Variants in KDM4C observed in about 807,000 individuals in gnomAD.
KDM4C encodes the protein lysine demethylase 4C, also known as lysine-specific demethylase 4C.
Under a neutral mutation model 129.3 loss-of-function variants are expected in KDM4C, and 81 were observed. The ratio of observed to expected loss-of-function variants is 0.63; its 90% CI spans 0.52 to 0.75. KDM4C has a LOEUF of 0.75. Ranked by LOEUF, KDM4C falls within the 30% of genes least tolerant of loss-of-function variation. The pLI is 0.00. For missense variants in KDM4C, 1,457 were observed against 1,304.0 expected, an observed-to-expected ratio of 1.12 and a Z score of -1.81; for synonymous variants, 573 against 456.1, an observed-to-expected ratio of 1.26 and a Z score of -3.26.
Position 6,986,344 on chromosome 9 carries a change from G to A in KDM4C, c.1355G>A (p.Gly452Glu). ...TAACAGTCTTCTGTTTTATCCTCAG[G>A]AAACAGCTGCTTAAGTACATCTGTA... ...QNLSDHIKLS[G>E]NSCLSTSVTE... The change falls in exon 11 of 22, where the codon GGA becomes GAA. Residue 452 changes from glycine to glutamate, a missense_variant and splice_region_variant. Physicochemically the swap from Gly to Glu is moderately conservative, Grantham distance 98. Coordinates refer to ENST00000381309, the MANE Select transcript of KDM4C (RefSeq NM_015061.6). 5 of 1,601,896 alleles carry A rather than the reference G, an allele frequency of 3.1e-6. No homozygotes were observed. The highest frequency in any genetic ancestry group is 3.4e-6 in the Non-Finnish European group (4 of 1,170,922).
At chr9:7,099,296 T>A (rs1455716273) in intron 17 of KDM4C, among the ~76,000 whole-genome samples, 2 of 152,224 alleles carry the variant, frequency 1.3e-5, no homozygotes, top group Non-Finnish European at 2.9e-5. Context: ...AACCTCCAGC[T>A]CCTTCACAGT....
intron 8 of KDM4C, among the ~76,000 whole-genome samples, chr9:6,951,204 A>G (rs1254644151): frequency 1.3e-5 from 2 of 151,972 alleles, no homozygotes; most frequent in East Asian, 1.9e-4. Flanking sequence ...TTTCTTAGCT[A>G]TTTGAAATTA....
intron 19 of KDM4C, among the ~76,000 whole-genome samples, chr9:7,134,844 G>T (rs1203297371): frequency 6.6e-6 from 1 of 152,180 alleles, no homozygotes; most frequent in Non-Finnish European, 1.5e-5. Flanking sequence ...TTGGGCAGGG[G>T]CTCCTAATTA....
At chr9:7,020,553 C>G (rs548493178) in intron 15 of KDM4C, among the ~76,000 whole-genome samples, 104 of 152,248 alleles carry the variant, frequency 6.8e-4, no homozygotes, top group African/African-American at 2.4e-3. Flanking sequence ...GAGCACGTTC[C>G]AAACATTACC....
At chr9:6,866,946 T>C (rs1402189665) in intron 5 of KDM4C, among the ~76,000 whole-genome samples, 3 of 146,312 alleles carry the variant, frequency 2.1e-5, no homozygotes, top group Non-Finnish European at 4.5e-5. Context: ...TAAAAATGTA[T>C]ATATGTGTAT....
intron 8 of KDM4C, among the ~76,000 whole-genome samples, chr9:6,930,656 CATATAATAGTACAATTAATATATAAT>C (rs1446874534): frequency 2.3e-5 from 3 of 129,284 alleles, no homozygotes; most frequent in African/African-American, 6.0e-5. Context: ...ATACATACTA[CATATAATAGTACAATTAATATATAAT>C]ATATTAATTA....
At chr9:6,957,434 C>T (rs80013023) in intron 8 of KDM4C, among the ~76,000 whole-genome samples, 21 of 152,096 alleles carry the variant, frequency 1.4e-4, no homozygotes, top group African/African-American at 5.1e-4. Flanking sequence ...GGACCCTGTT[C>T]TTTCCAGGGA....
At chr9:7,092,773 AG>A (rs1044462103) in intron 17 of KDM4C, among the ~76,000 whole-genome samples, 20 of 152,184 alleles carry the variant, frequency 1.3e-4, no homozygotes, top group African/African-American at 4.8e-4. Context: ...ATTGCCAGTG[AG>A]CCAGAACATA....
intron 5 of KDM4C, among the ~76,000 whole-genome samples, chr9:6,853,430 C>A (rs59031821): frequency 6.6e-6 from 1 of 152,094 alleles, no homozygotes; most frequent in Non-Finnish European, 1.5e-5. Flanking sequence ...GAGGTCAAGG[C>A]TGCAGTGATC....
intron 17 of KDM4C, among the ~76,000 whole-genome samples, chr9:7,069,434 C>T (rs1472702496): frequency 1.3e-5 from 2 of 152,146 alleles, no homozygotes; most frequent in Non-Finnish European, 2.9e-5. Context: ...ATTGCTTGAG[C>T]CTAGGAGCTC....
At chr9:6,732,778 C>T (rs530218147) in intron 1 of KDM4C, among the ~76,000 whole-genome samples, 1 of 152,066 alleles carries the variant, frequency 6.6e-6, no homozygotes, top group Non-Finnish European at 1.5e-5. Flanking sequence ...TTTGGGAGGC[C>T]GAGATGGGCA....
At chr9:6,996,992 C>CA (rs1819873331) in intron 12 of KDM4C, among the ~76,000 whole-genome samples, 2 of 151,628 alleles carry the variant, frequency 1.3e-5, no homozygotes, top group South Asian at 4.2e-4. Flanking sequence ...CATAGAGAGG[C>CA]AAAAATAGCA....
chr9:7,130,194 CTG>C (rs1840464065), intron 19 of KDM4C, among the ~76,000 whole-genome samples: 1 of 152,202 alleles, frequency 6.6e-6, no homozygotes, highest in African/African-American at 2.4e-5. Context: ...GTGAGGAACA[CTG>C]TGGTGGTGGG....
At chr9:7,150,855 T>G (rs1012885782) in intron 19 of KDM4C, among the ~76,000 whole-genome samples, 1 of 152,192 alleles carries the variant, frequency 6.6e-6, no homozygotes, top group Non-Finnish European at 1.5e-5. Context: ...CTCACCTATT[T>G]CTAATATCAT....
intron 19 of KDM4C, among the ~76,000 whole-genome samples, chr9:7,145,301 T>G (rs1842117370): frequency 6.6e-6 from 1 of 152,154 alleles, no homozygotes; most frequent in African/African-American, 2.4e-5. Context: ...GAATGGGACT[T>G]GAAAATTTAG....
intron 8 of KDM4C, among the ~76,000 whole-genome samples, chr9:6,972,591 T>G (rs761013442): frequency 2.0e-5 from 3 of 152,204 alleles, no homozygotes; most frequent in Non-Finnish European, 4.4e-5. Context: ...TTTTAAACAT[T>G]CTGGTATGTG....
At chr9:6,812,589 C>T (rs554962837) in intron 3 of KDM4C, among the ~76,000 whole-genome samples, 1 of 152,198 alleles carries the variant, frequency 6.6e-6, no homozygotes, top group South Asian at 2.1e-4. Flanking sequence ...GTTCATACTC[C>T]TATGAGAATC....
chr9:6,984,508 A>G, intron 10 of KDM4C, 104 bp downstream of exon 10: 2 of 735,864 alleles, frequency 2.7e-6, no homozygotes, highest in East Asian at 2.6e-5. Context: ...TAGTCCACAT[A>G]GCTTAATCAG....
intron 8 of KDM4C, among the ~76,000 whole-genome samples, chr9:6,952,348 A>G (rs889431448): frequency 1.3e-5 from 2 of 151,424 alleles, no homozygotes; most frequent in African/African-American, 4.8e-5. Flanking sequence ...GTATGAAACC[A>G]TTCAGTAATG....
Sources: allele counts gnomAD v4.1 joint callset (sites outside exome capture counted in the v4.1 genomes callset), GRCh38; gene constraint gnomAD v4.1.1; transcripts MANE v1.5; gene names NCBI Gene and HGNC (gene_info 2026-07-23, HGNC 2026-07-21).